NEO1: variants seen among roughly 807,000 people sequenced by gnomAD.
The protein encoded by NEO1 is neogenin.
NEO1 carries 63 observed loss-of-function variants against 159.7 expected under a neutral mutation model. The observed-to-expected ratio is 0.39, with a 90% CI of 0.32 to 0.49. The LOEUF (loss-of-function observed/expected upper bound fraction) is 0.49, where lower values mean the gene tolerates loss of function less well. Ranked by LOEUF, NEO1 falls within the 20% of genes least tolerant of loss-of-function variation. NEO1 has a pLI of 0.85. For synonymous variants in NEO1, 633 were observed against 662.0 expected (o/e 0.96, Z 0.67); for missense variants, 1,615 against 1,831.0 (o/e 0.88, Z 2.15).
At chr15:73,064,563 C>T (rs2068118285) in intron 1 of NEO1, among the ~76,000 whole-genome samples, 1 of 152,144 alleles carries the variant, frequency 6.6e-6, no homozygotes, top group African/African-American at 2.4e-5. Flanking sequence ...CTCTTGGGCT[C>T]AAGTGATCCT....
At chr15:73,296,137 C>T (rs987405451) in intron 26 of NEO1, among the ~76,000 whole-genome samples, 2 of 152,184 alleles carry the variant, frequency 1.3e-5, no homozygotes, top group African/African-American at 2.4e-5. Context: ...TGCGCCATCT[C>T]TTTGGCCCTC....
intron 7 of NEO1, among the ~76,000 whole-genome samples, chr15:73,221,072 C>G (rs1311983827): frequency 2.6e-5 from 4 of 152,190 alleles, no homozygotes; most frequent in East Asian, 1.9e-4. Context: ...TACTTTTGGT[C>G]TTTGATGATG....
At chr15:73,204,545 A>G (rs1353387810) in intron 7 of NEO1, among the ~76,000 whole-genome samples, 1 of 151,722 alleles carries the variant, frequency 6.6e-6, no homozygotes, top group Non-Finnish European at 1.5e-5. Flanking sequence ...CATTCTTTCC[A>G]CACCCACGTT....
chr15:73,116,383 A>G (rs894780256), intron 1 of NEO1, among the ~76,000 whole-genome samples, 157 bp from the exon 2 acceptor site: 31 of 151,628 alleles, frequency 2.0e-4, no homozygotes, highest in African/African-American at 6.3e-4. Flanking sequence ...TTGAAAGTAA[A>G]TCTTATTTAT....
chr15:73,168,204 T>A (rs1046398445), intron 5 of NEO1, among the ~76,000 whole-genome samples: 1 of 151,862 alleles, frequency 6.6e-6, no homozygotes, highest in African/African-American at 2.4e-5. Flanking sequence ...TGTTTTGTAT[T>A]TTTGAGATGG....
At chr15:73,224,491 G>A (rs937776571) in intron 7 of NEO1, among the ~76,000 whole-genome samples, 1 of 152,072 alleles carries the variant, frequency 6.6e-6, no homozygotes, top group South Asian at 2.1e-4. Flanking sequence ...CTTCCTGGAG[G>A]CTTTGTTCAT....
intron 13 of NEO1, among the ~76,000 whole-genome samples, chr15:73,257,474 A>G (rs2040425484): frequency 6.6e-6 from 1 of 152,206 alleles, no homozygotes; most frequent in Non-Finnish European, 1.5e-5. Context: ...TGAGTATACA[A>G]CGTTGAACAA....
At chr15:73,147,264 T>C (rs532558192) in intron 5 of NEO1, among the ~76,000 whole-genome samples, 12 of 152,318 alleles carry the variant, frequency 7.9e-5, no homozygotes, top group African/African-American at 2.2e-4. Flanking sequence ...AGAGAATCTT[T>C]CCTTTGTAAG....
intron 1 of NEO1, among the ~76,000 whole-genome samples, chr15:73,107,021 A>G (rs1043168014): frequency 6.6e-6 from 1 of 152,152 alleles, no homozygotes; most frequent in Non-Finnish European, 1.5e-5. Context: ...TTTTGTAGTG[A>G]CTTTCTAAAC....
At chr15:73,212,047 C>T (rs529213186) in intron 7 of NEO1, among the ~76,000 whole-genome samples, 7 of 152,238 alleles carry the variant, frequency 4.6e-5, no homozygotes, top group South Asian at 2.1e-4. Context: ...ACATTCGTAT[C>T]GGGGTACATG....
chr15:73,123,447 T>C (rs1357412593), intron 3 of NEO1, among the ~76,000 whole-genome samples: 1 of 152,184 alleles, frequency 6.6e-6, no homozygotes, highest in Non-Finnish European at 1.5e-5. Context: ...CCATCCAGGC[T>C]AGTTCGTATA....
chr15:73,064,817 T>G (rs1353349290), intron 1 of NEO1, among the ~76,000 whole-genome samples: 3 of 152,142 alleles, frequency 2.0e-5, no homozygotes, highest in Non-Finnish European at 2.9e-5. Context: ...AGGTTTTGTT[T>G]TCTTTTGCCT....
At chr15:73,082,953 G>A (rs903855405) in intron 1 of NEO1, among the ~76,000 whole-genome samples, 2 of 152,194 alleles carry the variant, frequency 1.3e-5, no homozygotes, top group African/African-American at 4.8e-5. Context: ...ATGTGTGTCT[G>A]TATCCCTTTA....
At chr15:73,289,507 A>G (rs2042081103) in intron 25 of NEO1, among the ~76,000 whole-genome samples, 1 of 152,232 alleles carries the variant, frequency 6.6e-6, no homozygotes, top group Admixed American at 6.5e-5. Flanking sequence ...AGTCTCCCTA[A>G]AAGTGCATCA....
At chr15:73,067,961 T>C (rs1455637015) in intron 1 of NEO1, among the ~76,000 whole-genome samples, 2 of 152,064 alleles carry the variant, frequency 1.3e-5, no homozygotes, top group Non-Finnish European at 2.9e-5. Context: ...TGTTCTAATA[T>C]TTCAGGTATA....
At chr15:73,188,606 G>T (rs527444299) in intron 7 of NEO1, among the ~76,000 whole-genome samples, 9 of 152,068 alleles carry the variant, frequency 5.9e-5, no homozygotes, top group African/African-American at 2.2e-4. Context: ...CATATTAGTA[G>T]TCTTTGTCCA....
At chr15:73,059,623 C>A (rs1490071721) in intron 1 of NEO1, among the ~76,000 whole-genome samples, 1 of 152,064 alleles carries the variant, frequency 6.6e-6, no homozygotes, top group African/African-American at 2.4e-5. Flanking sequence ...CTTGATTTGG[C>A]GAGAGAAAGT....
In NEO1 at chr15:73,302,872, C is replaced by T; in HGVS notation, c.*176C>T. ...TCCAGGCATGGCCACCTGCCTTCCC[C>T]TGGTCAGCCTGGAAGAAGCCTGTGT... is the stretch of plus-strand genomic sequence containing the variant. On this transcript the variant is annotated 3_prime_UTR_variant, in exon 29 of 29. Transcript: ENST00000261908. 1 of 573,732 alleles carries T rather than the reference C, an allele frequency of 1.7e-6. No individual in the cohort carries two copies. Among genetic ancestry groups the T allele is most frequent in the South Asian group, 2.1e-5 (1 of 47,226 alleles). 35.5% of individuals were successfully genotyped at this position (573,732 alleles called of 1,614,324 possible). A position where few individuals can be genotyped will look rare whatever the true frequency, so the allele number is the denominator to read the frequency against.
chr15:73,128,711 G>C (rs550749184), intron 4 of NEO1, among the ~76,000 whole-genome samples: 1 of 152,278 alleles, frequency 6.6e-6, no homozygotes, highest in South Asian at 2.1e-4. Flanking sequence ...ATAGAGGTAA[G>C]ATTGCTATTT....
Sources: gnomAD v4.1 joint callset for allele counts (sites outside exome capture counted in the v4.1 genomes callset) on GRCh38, gnomAD v4.1.1 for gene constraint, MANE v1.5 for transcripts, NCBI Gene and HGNC (gene_info 2026-07-23, HGNC 2026-07-21) for gene names.